L3MBTL4: variants seen among roughly 807,000 people sequenced by gnomAD.
The protein encoded by L3MBTL4 is L3MBTL histone methyl-lysine binding protein 4.
In L3MBTL4, 70 loss-of-function variants were observed where a neutral mutation model predicts 84.5. The ratio of observed to expected loss-of-function variants is 0.83; its 90% CI spans 0.68 to 1.01. The LOEUF is 1.01. Ranked by LOEUF, L3MBTL4 falls within the 50% of genes least tolerant of loss-of-function variation. The pLI, the probability that L3MBTL4 is intolerant of heterozygous loss-of-function variation, is 0.00. For missense variants in L3MBTL4, 715 were observed against 754.8 expected, an observed-to-expected ratio of 0.95 and a Z score of 0.62; for synonymous variants, 274 against 259.8, an observed-to-expected ratio of 1.05 and a Z score of -0.52.
rs181496609 is a variant in L3MBTL4 at position 6,256,371 on chromosome 18, A to G, written c.219+7576T>C. On this transcript the variant is annotated intron_variant, in intron 5 of 18. Coordinates refer to ENST00000317931, the MANE Select transcript of L3MBTL4 (RefSeq NM_001330559.2). Reference sequence around the variant, plus strand: ...GTAAGGAAGACAAAGAGAGAATAGGAATGTGTTCAAATAAGGCTGTCTTGT... The same window carrying G: ...GTAAGGAAGACAAAGAGAGAATAGGGATGTGTTCAAATAAGGCTGTCTTGT... Among the ~76,000 whole-genome samples the G allele has an allele frequency of 4.3e-3, 656 of 152,154 alleles. 4 individuals carry two copies. Among genetic ancestry groups the G allele is most frequent in the Non-Finnish European group, 5.9e-3 (400 of 68,016 alleles).
intron 4 of L3MBTL4, among the ~76,000 whole-genome samples, chr18:6,270,950 T>G (rs1019251904): frequency 1.3e-5 from 2 of 152,110 alleles, no homozygotes; most frequent in Non-Finnish European, 2.9e-5. Context: ...CAGTGGAGAC[T>G]GAGAATGGCA....
chr18:5,958,431 C>T (rs1371014513), intron 18 of L3MBTL4, among the ~76,000 whole-genome samples: 2 of 152,156 alleles, frequency 1.3e-5, no homozygotes, highest in Non-Finnish European at 2.9e-5. Flanking sequence ...GGCTAAGCTC[C>T]AGCATTTTCA....
chr18:5,969,614 T>TA, intron 16 of L3MBTL4, 52 bp from the exon 17 acceptor site: 1 of 1,538,930 alleles, frequency 6.5e-7, no homozygotes, highest in Non-Finnish European at 8.8e-7. Context: ...GAGCAAGCAC[T>TA]GCTGTGTCAG....
chr18:6,231,148 T>C (rs1046684591), intron 10 of L3MBTL4, among the ~76,000 whole-genome samples: 13 of 152,204 alleles, frequency 8.5e-5, no homozygotes, highest in African/African-American at 2.9e-4. Flanking sequence ...ATCAAATCTT[T>C]GCCAGGGCCT....
intron 4 of L3MBTL4, among the ~76,000 whole-genome samples, chr18:6,265,718 G>A (rs972756962): frequency 6.6e-6 from 1 of 151,904 alleles, no homozygotes; most frequent in Admixed American, 6.6e-5. Context: ...GTTAGGCACA[G>A]AAAAATAAAT....
intron 12 of L3MBTL4, among the ~76,000 whole-genome samples, chr18:6,178,074 G>A (rs977241065): frequency 7.9e-5 from 12 of 151,812 alleles, no homozygotes; most frequent in Non-Finnish European, 1.6e-4. Context: ...TCCGACTGCA[G>A]AATTAGGTCT....
intron 16 of L3MBTL4, among the ~76,000 whole-genome samples, chr18:6,004,858 G>C (rs968981795): frequency 2.0e-5 from 3 of 152,092 alleles, no homozygotes; most frequent in Non-Finnish European, 4.4e-5. Flanking sequence ...CGGCAATGGG[G>C]AATTATTGTT....
intron 16 of L3MBTL4, among the ~76,000 whole-genome samples, chr18:5,973,472 CT>C (rs1166844132): frequency 2.0e-5 from 3 of 152,186 alleles, no homozygotes; most frequent in African/African-American, 7.2e-5. Context: ...TAAAATTACA[CT>C]TTTGAAAATA....
At chr18:6,255,716 G>A (rs1295951957) in intron 5 of L3MBTL4, among the ~76,000 whole-genome samples, 1 of 150,064 alleles carries the variant, frequency 6.7e-6, no homozygotes, top group Non-Finnish European at 1.5e-5. Context: ...TTCCCCCTGG[G>A]AGTACTGTTA....
chr18:6,283,567 G>GC (rs913065923), intron 4 of L3MBTL4, among the ~76,000 whole-genome samples: 2 of 149,752 alleles, frequency 1.3e-5, no homozygotes, highest in African/African-American at 4.9e-5. Context: ...CAAAATATGA[G>GC]CATCTACACC....
chr18:5,995,467 G>A (rs893649150), intron 16 of L3MBTL4, among the ~76,000 whole-genome samples: 1 of 152,106 alleles, frequency 6.6e-6, no homozygotes, highest in Non-Finnish European at 1.5e-5. Context: ...AATTTCATTT[G>A]TGAAAATAAG....
chr18:5,962,244 G>C (rs1337530201), intron 17 of L3MBTL4, among the ~76,000 whole-genome samples: 2 of 152,164 alleles, frequency 1.3e-5, no homozygotes, highest in Non-Finnish European at 2.9e-5. Context: ...ACTTCAGGAA[G>C]GTCATCAGGA....
intron 16 of L3MBTL4, among the ~76,000 whole-genome samples, chr18:6,014,671 G>A (rs1249489372): frequency 6.6e-6 from 1 of 152,176 alleles, no homozygotes; most frequent in Admixed American, 6.5e-5. Flanking sequence ...GAGTGGGGCA[G>A]GAAGCAGAGG....
At chr18:6,309,645 G>A (rs909427669) in intron 3 of L3MBTL4, among the ~76,000 whole-genome samples, 1 of 152,130 alleles carries the variant, frequency 6.6e-6, no homozygotes, top group African/African-American at 2.4e-5. Context: ...TAGAAATAAT[G>A]GTAAACACAT....
At chr18:6,147,102 C>T (rs2042688962) in intron 13 of L3MBTL4, among the ~76,000 whole-genome samples, 1 of 152,070 alleles carries the variant, frequency 6.6e-6, no homozygotes, top group Admixed American at 6.5e-5. Context: ...TGCACTCTTT[C>T]CCATTTCAAA....
chr18:6,364,810 A>C (rs1244575909), intron 1 of L3MBTL4, among the ~76,000 whole-genome samples: 1 of 152,124 alleles, frequency 6.6e-6, no homozygotes, highest in Non-Finnish European at 1.5e-5. Context: ...CTCAGATGTC[A>C]GTAAAGTCTT....
chr18:6,213,093 CA>C (rs1387207170), intron 12 of L3MBTL4, 55 bp downstream of exon 12: 6 of 1,001,138 alleles, frequency 6.0e-6, no homozygotes, highest in Non-Finnish European at 7.2e-6. Flanking sequence ...GTAGAGGAAA[CA>C]AAAGTAATGT....
At position 6,138,222 on chromosome 18, in the gene L3MBTL4, G is replaced by A. The variant is rs370432516; in HGVS notation, c.1171C>T (p.Arg391Cys). The A allele has an allele frequency of 5.0e-6, 8 of 1,612,494 alleles. No individual in the cohort carries two copies. Among genetic ancestry groups the A allele is most frequent in the East Asian group, 2.2e-5 (1 of 44,884 alleles). The change falls in exon 14 of 19, where the codon CGT becomes TGT. Residue 391 changes from arginine (R) to cysteine (C), a missense_variant. By Grantham distance (180) the Arg-to-Cys change is radical. Transcript: ENST00000317931. ...TPGCRGIGHI[R>C]GPRYSGHHSA... The stretch of plus-strand genomic sequence containing the variant: ...TGATGTCCCGAATAACGTGGACCAC[G>A]GATATGGCCTATTCCTCGGCACCCG...
intron 16 of L3MBTL4, among the ~76,000 whole-genome samples, chr18:6,045,524 G>A (rs1442460115): frequency 6.6e-6 from 1 of 152,188 alleles, no homozygotes; most frequent in African/African-American, 2.4e-5. Context: ...GGAGGAGCAA[G>A]TCACATCTTA....
Sources: allele counts gnomAD v4.1 joint callset (sites outside exome capture counted in the v4.1 genomes callset), GRCh38; gene constraint gnomAD v4.1.1; transcripts MANE v1.5; gene names NCBI Gene and HGNC (gene_info 2026-07-23, HGNC 2026-07-21).